PDE4B: variants seen among roughly 807,000 people sequenced by gnomAD.
PDE4B encodes phosphodiesterase 4B, also known as 3',5'-cyclic-AMP phosphodiesterase 4B.
PDE4B carries 20 observed loss-of-function variants against 82.2 expected under a neutral mutation model. That is an observed-to-expected ratio of 0.24 (90% CI 0.17 to 0.35). The LOEUF (loss-of-function observed/expected upper bound fraction) is 0.35, where lower values mean the gene tolerates loss of function less well. PDE4B is among the 10% of genes least tolerant of loss of function. The pLI is 1.00. For synonymous variants in PDE4B, 320 were observed against 318.9 expected, an observed-to-expected ratio of 1.00 and a Z score of -0.04; for missense variants, 655 against 907.2, an observed-to-expected ratio of 0.72 and a Z score of 3.57.
At chr1:66,197,994 T>C (rs1648483030) in intron 3 of PDE4B, among the ~76,000 whole-genome samples, 1 of 152,176 alleles carries the variant, frequency 6.6e-6, no homozygotes, top group Non-Finnish European at 1.5e-5. Flanking sequence ...CTGCTTTTAA[T>C]ACTTTCTTTG....
chr1:66,033,788 C>CTTTTTTT (rs4071541), intron 3 of PDE4B, among the ~76,000 whole-genome samples: 2 of 146,232 alleles, frequency 1.4e-5, no homozygotes, highest in Non-Finnish European at 1.5e-5. Flanking sequence ...TTCTTTCTTT[C>CTTTTTTT]TTTTTTGTAA....
intron 3 of PDE4B, among the ~76,000 whole-genome samples, chr1:66,096,523 T>TC (rs1557557934): frequency 7.2e-6 from 1 of 139,780 alleles, no homozygotes; most frequent in Non-Finnish European, 1.5e-5. Context: ...TATATATATA[T>TC]ATATATATAT....
intron 3 of PDE4B, among the ~76,000 whole-genome samples, chr1:65,972,251 T>C (rs988639443): frequency 2.0e-5 from 3 of 152,222 alleles, no homozygotes; most frequent in Admixed American, 6.5e-5. Context: ...CAGTTTGCCA[T>C]TTAGACACTC....
At chr1:66,365,144 CG>C in intron 12 of PDE4B, among the ~76,000 whole-genome samples, 1 of 152,190 alleles carries the variant, frequency 6.6e-6, no homozygotes, top group South Asian at 2.1e-4. Context: ...TTAGTGGGTA[CG>C]TACTGAATGA....
intron 1 of PDE4B, among the ~76,000 whole-genome samples, chr1:65,808,989 G>GT (rs1645788541): frequency 6.6e-6 from 1 of 152,086 alleles, no homozygotes; most frequent in South Asian, 2.1e-4. Context: ...AAGTGGAATT[G>GT]TTTTTTGAAC....
chr1:66,003,959 T>C (rs1335459773), intron 3 of PDE4B, among the ~76,000 whole-genome samples: 1 of 152,172 alleles, frequency 6.6e-6, no homozygotes, highest in Non-Finnish European at 1.5e-5. Context: ...TGCTCATTTA[T>C]CAAAACGACA....
chr1:65,881,584 G>A (rs544105395), intron 1 of PDE4B, among the ~76,000 whole-genome samples: 2 of 152,278 alleles, frequency 1.3e-5, no homozygotes, highest in Non-Finnish European at 2.9e-5. Flanking sequence ...ACGTGTGCTG[G>A]CTGATTGTTA....
chr1:66,368,181 T>A (rs1262962599), intron 15 of PDE4B, 116 bp downstream of exon 15: 8 of 979,618 alleles, frequency 8.2e-6, no homozygotes, highest in Non-Finnish European at 1.2e-5. Flanking sequence ...GCTACTCCTA[T>A]AGCTTAGGGC....
chr1:65,824,751 A>G (rs2101259622), intron 1 of PDE4B, among the ~76,000 whole-genome samples: 1 of 152,244 alleles, frequency 6.6e-6, no homozygotes, highest in East Asian at 1.9e-4. Flanking sequence ...TTTCATTTAC[A>G]GCAAGCCCTT....
At position 66,347,464 on chromosome 1, in the gene PDE4B, A is replaced by C. The variant is rs536066046; in HGVS notation, c.748-8063A>C. Among the ~76,000 whole-genome samples the C allele has an allele frequency of 6.6e-4, 100 of 152,360 alleles. 1 individual carries two copies. The highest frequency in any genetic ancestry group is 2.7e-3 in the South Asian group (13 of 4,834). On this transcript the variant is annotated intron_variant, in intron 8 of 16. Transcript: ENST00000341517. Reference sequence around the variant, plus strand: ...AATTTGCCGGTGCATACTCTAGCTTAGGGATTACTGAAATATCAAAACAGA... The same window carrying C: ...AATTTGCCGGTGCATACTCTAGCTTCGGGATTACTGAAATATCAAAACAGA...
At chr1:66,354,269 C>G (rs1302741344) in intron 8 of PDE4B, 1 of 320,802 alleles carries the variant, frequency 3.1e-6, no homozygotes. Flanking sequence ...TGTGCAGAGG[C>G]TGCATCTGCA....
In PDE4B at chr1:65,836,091, A is replaced by G. The variant is rs1447789367; in HGVS notation, c.-71+42843A>G. Among the ~76,000 whole-genome samples, 7 of 151,936 alleles carry G rather than the reference A, an allele frequency of 4.6e-5. No homozygotes were observed. In the East Asian group the frequency reaches 1.4e-3, roughly 29 times the overall value. ...AGAGTAGCTGGGACTACAGGCACAC[A>G]CCACCACACCTGGCTAATTTTTGTA... On this transcript the variant is annotated intron_variant, in intron 1 of 16. Coordinates refer to ENST00000341517, the MANE Select transcript of PDE4B (RefSeq NM_002600.4).
At chr1:65,967,570 G>T (rs753397646) in intron 3 of PDE4B, among the ~76,000 whole-genome samples, 1 of 152,054 alleles carries the variant, frequency 6.6e-6, no homozygotes, top group Non-Finnish European at 1.5e-5. Flanking sequence ...ACATGCACAC[G>T]TATGTTTATT....
chr1:66,148,267 C>A (rs1646315144), intron 3 of PDE4B, among the ~76,000 whole-genome samples: 1 of 151,798 alleles, frequency 6.6e-6, no homozygotes, highest in Non-Finnish European at 1.5e-5. Context: ...GAGATGCTGT[C>A]TTTAAAATAA....
At chr1:66,054,097 G>A (rs1041842284) in intron 3 of PDE4B, among the ~76,000 whole-genome samples, 3 of 152,124 alleles carry the variant, frequency 2.0e-5, no homozygotes, top group African/African-American at 7.2e-5. Flanking sequence ...GGTGGATCCA[G>A]GGTTTGAACC....
At chr1:66,290,868 G>C (rs17460284) in intron 7 of PDE4B, among the ~76,000 whole-genome samples, 10,195 of 152,202 alleles carry the variant, frequency 0.067, 477 homozygotes, top group South Asian at 0.15. Context: ...AATATCTAGA[G>C]TGAACTACAA....
intron 3 of PDE4B, among the ~76,000 whole-genome samples, chr1:66,079,390 C>A (rs1210192424): frequency 6.6e-5 from 10 of 152,136 alleles, no homozygotes; most frequent in Non-Finnish European, 1.5e-4. Flanking sequence ...CCCTTTATCT[C>A]TGTCATTTTG....
chr1:66,154,564 G>C (rs1470660538), intron 3 of PDE4B, among the ~76,000 whole-genome samples: 1 of 152,168 alleles, frequency 6.6e-6, no homozygotes, highest in Non-Finnish European at 1.5e-5. Flanking sequence ...AATGCCTTGT[G>C]AATTAAACAT....
intron 1 of PDE4B, among the ~76,000 whole-genome samples, chr1:65,886,576 C>T (rs1468748270): frequency 6.6e-6 from 1 of 152,120 alleles, no homozygotes; most frequent in African/African-American, 2.4e-5. Context: ...ATCTATTATT[C>T]TACTGTCTAC....
Sources: gnomAD v4.1 joint callset for allele counts (sites outside exome capture counted in the v4.1 genomes callset) on GRCh38, gnomAD v4.1.1 for gene constraint, MANE v1.5 for transcripts, NCBI Gene and HGNC (gene_info 2026-07-23, HGNC 2026-07-21) for gene names.